DNAH10: variants seen among roughly 807,000 people sequenced by gnomAD.
The protein encoded by DNAH10 is axonemal beta dynein heavy chain 10.
A neutral mutation model predicts 506.6 loss-of-function variants in DNAH10; 348 were observed. The observed-to-expected ratio is 0.69, with a 90% CI of 0.63 to 0.75. The LOEUF is 0.75. Among genes scored for constraint, DNAH10 ranks in the 30% least tolerant of loss-of-function variants. The pLI, the probability that DNAH10 is intolerant of heterozygous loss-of-function variation, is 0.00. For synonymous variants in DNAH10, 2,059 were observed against 2,198.6 expected, an observed-to-expected ratio of 0.94 and a Z score of 1.78; for missense variants, 5,179 against 5,787.1, an observed-to-expected ratio of 0.89 and a Z score of 3.41.
chr12:123,896,142 CACACACAG>C (rs1250488486), intron 54 of DNAH10, among the ~76,000 whole-genome samples: 41 of 113,702 alleles, frequency 3.6e-4, no homozygotes, highest in Middle Eastern at 3.9e-3. Flanking sequence ...CACACACACA[CACACACAG>C]AGAGAGAGAG....
chr12:123,918,659 C>T lies in DNAH10; in HGVS notation c.11233-17C>T. The stretch of plus-strand genomic sequence containing the variant: ...CTCAGTCTTCCTGTTTCCAGGGTCA[C>T]CTGTGCTTTTCTTCAGGTCTCAGAG... On this transcript the variant is annotated splice_polypyrimidine_tract_variant and intron_variant, in intron 64 of 78. Transcript: ENST00000673944. The T allele has an allele frequency of 1.3e-6, 2 of 1,538,436 alleles. No individual in the cohort carries two copies. The highest frequency in any genetic ancestry group is 2.5e-5 in the South Asian group (2 of 78,728).
At chr12:123,924,257 C>T in intron 66 of DNAH10, 21 bp from the exon 67 acceptor site, 2 of 1,589,368 alleles carry the variant, frequency 1.3e-6, no homozygotes, top group Non-Finnish European at 1.7e-6. Context: ...TGGCTGCTTG[C>T]TTCTCTTCTG....
At chr12:123,779,053 G>A (rs576872811) in intron 5 of DNAH10, among the ~76,000 whole-genome samples, 15 of 152,048 alleles carry the variant, frequency 9.9e-5, no homozygotes, top group African/African-American at 2.7e-4. Context: ...AGAGGCACCC[G>A]CCACCACACC....
chr12:123,785,093 T>G lies in DNAH10; in HGVS notation c.1231-653T>G, dbSNP rs1168252599. Among the ~76,000 whole-genome samples, 1 of 152,242 alleles carries G rather than the reference T, an allele frequency of 6.6e-6. No homozygotes were observed. The highest frequency in any genetic ancestry group is 1.5e-5 in the Non-Finnish European group (1 of 68,042). ...GGATGTGTGTTTTTAATTATTCATG[T>G]ATTATGCATAGGAGTGGAATAGCTG... On this transcript the variant is annotated intron_variant, in intron 8 of 78. Transcript: ENST00000673944. The surrounding 1 kb of genome is among the most constrained non-coding windows in gnomAD (Gnocchi z 4.1).
chr12:123,935,358 C>T lies in DNAH10; in HGVS notation c.13647C>T (p.Tyr4549=), dbSNP rs762758809. 2.4e-5 allele frequency: 39 copies of T among 1,609,274 alleles called. No homozygotes were observed. Among genetic ancestry groups the T allele is most frequent in the South Asian group, 3.3e-5 (3 of 90,966 alleles). The part of the protein sequence containing the change: ...KLQNTFRTPV[Y]TTSMRRNAMG... ...AGAATACTTTCCGGACCCCCGTCTA[C>T]ACCACCTCCATGAGAAGGAACGCCA... The change falls in exon 79 of 79, where the codon TAC becomes TAT. Residue 4549 remains tyrosine (Y), a synonymous_variant. Transcript: ENST00000673944.
chr12:123,765,560 TA>T (rs375471244), intron 1 of DNAH10, among the ~76,000 whole-genome samples: 1 of 70,404 alleles, frequency 1.4e-5, no homozygotes, highest in African/African-American at 9.2e-5. Context: ...CATCTATCTA[TA>T]CTTTATCTAT....
rs114579268 is a variant in DNAH10 at position 123,795,425 on chromosome 12, C to T, written c.1987-1231C>T. Among the ~76,000 whole-genome samples the T allele has an allele frequency of 8.0e-3, 1,213 of 152,208 alleles. 11 individuals are homozygous for T. Among genetic ancestry groups the T allele is most frequent in the African/African-American group, 0.023 (969 of 41,534 alleles). ...GGTGTGAGCAGGGCTGTGTTCCCTT[C>T]GGGAGTCTCTAGGGATGATTCAGTG... On this transcript the variant is annotated intron_variant, in intron 12 of 78. Coordinates refer to ENST00000673944, the MANE Select transcript of DNAH10 (RefSeq NM_001372106.1).
At position 123,799,229 on chromosome 12, in the gene DNAH10, C is replaced by T; in HGVS notation, c.2164-17C>T. On this transcript the variant is annotated splice_polypyrimidine_tract_variant and intron_variant, in intron 13 of 78. Coordinates refer to ENST00000673944, the MANE Select transcript of DNAH10 (RefSeq NM_001372106.1). ...ATTTTCAAGGACAAAATGACGGTTG[C>T]TTGAATTCTTTGATAGGTCAAACAA... is the stretch of plus-strand genomic sequence containing the variant. 3.1e-6 allele frequency: 5 copies of T among 1,591,156 alleles called. No individual in the cohort carries two copies. The highest frequency in any genetic ancestry group is 4.3e-6 in the Non-Finnish European group (5 of 1,165,788).
In DNAH10 at chr12:123,879,620, G is replaced by C. The variant is rs748874236; in HGVS notation, c.8467-14G>C. The C allele has an allele frequency of 6.2e-7, 1 of 1,613,854 alleles. No homozygotes were observed. The highest frequency in any genetic ancestry group is 1.1e-5 in the South Asian group (1 of 91,060). ...TTGTTGAGTTTGGGTCCTTAAGTGG[G>C]CTTCTGTTTCAAGGTACAACAGCAC... On this transcript the variant is annotated splice_polypyrimidine_tract_variant and intron_variant, in intron 49 of 78. Transcript: ENST00000673944.
At chr12:123,789,735 A>G (rs1958007214) in intron 10 of DNAH10, among the ~76,000 whole-genome samples, 192 bp from the exon 11 acceptor site, 1 of 152,138 alleles carries the variant, frequency 6.6e-6, no homozygotes, top group South Asian at 2.1e-4. Flanking sequence ...GTGGGGAGGA[A>G]CAGGCAGGTG....
Position 123,918,849 on chromosome 12 carries a change from G to C in DNAH10, c.11406G>C (p.Arg3802Ser). The part of the protein sequence containing the change: ...YSLIAFLEVF[R>S]LSLKKSLPDS... The stretch of plus-strand genomic sequence containing the variant: ...TGATTGCCTTCTTAGAGGTCTTCAG[G>C]CTGTCACTGAAGAAGTCGCTGCCTG... Residue 3802 changes from arginine to serine, a missense_variant, in exon 65 of 79, where the codon AGG (arginine) becomes AGC (serine). This residue lies in a region of DNAH10 where 4,844 missense variants were observed against 5,430.5 expected (regional missense o/e 0.89). Coordinates refer to ENST00000673944, the MANE Select transcript of DNAH10 (RefSeq NM_001372106.1). The C allele has an allele frequency of 1.2e-6, 2 of 1,613,880 alleles. No individual in the cohort carries two copies. Among genetic ancestry groups the C allele is most frequent in the Non-Finnish European group, 1.7e-6 (2 of 1,179,890 alleles).
chr12:123,781,668 G>A (rs1957656991), intron 6 of DNAH10, among the ~76,000 whole-genome samples: 2 of 152,152 alleles, frequency 1.3e-5, no homozygotes, highest in South Asian at 4.2e-4. Flanking sequence ...GTTTTACCAT[G>A]TTGGCCAGGC....
intron 11 of DNAH10, among the ~76,000 whole-genome samples, chr12:123,792,540 AC>A (rs1387767805): frequency 6.7e-6 from 1 of 149,218 alleles, no homozygotes; most frequent in African/African-American, 2.5e-5. Context: ...GCTGACTGCA[AC>A]CTCTGCCTCC....
intron 15 of DNAH10, among the ~76,000 whole-genome samples, chr12:123,800,696 G>T (rs79044987): frequency 6.7e-6 from 1 of 148,546 alleles, no homozygotes; most frequent in Non-Finnish European, 1.5e-5. Flanking sequence ...AAAAAAAAAA[G>T]AAGAAAAAAA....
intron 54 of DNAH10, among the ~76,000 whole-genome samples, chr12:123,896,146 C>CAG (rs1953223312): frequency 1.2e-4 from 12 of 102,526 alleles, no homozygotes; most frequent in African/African-American, 6.1e-4. Flanking sequence ...CACACACACA[C>CAG]ACAGAGAGAG....
intron 46 of DNAH10, 147 bp downstream of exon 46, chr12:123,873,857 C>A (rs948978465): frequency 1.8e-6 from 2 of 1,081,952 alleles, no homozygotes; most frequent in Admixed American, 3.5e-5. Context: ...GGGAGCCAGC[C>A]TAAGGCAGAA....
intron 18 of DNAH10, among the ~76,000 whole-genome samples, chr12:123,807,390 C>A (rs1345572693): frequency 1.3e-5 from 2 of 152,164 alleles, no homozygotes; most frequent in African/African-American, 4.8e-5. Context: ...AGAAACAAAG[C>A]AGCCTAGTGT....
At chr12:123,764,585 T>G (rs1956948642) in intron 1 of DNAH10, among the ~76,000 whole-genome samples, 1 of 152,168 alleles carries the variant, frequency 6.6e-6, no homozygotes, top group East Asian at 1.9e-4. Flanking sequence ...GGGGTGGCTG[T>G]TGTCTGCTGT....
At chr12:123,774,108 C>A in intron 4 of DNAH10, 41 bp from the exon 5 acceptor site, 2 of 1,314,978 alleles carry the variant, frequency 1.5e-6, no homozygotes, top group South Asian at 1.3e-5. Context: ...GTTGGCTGCT[C>A]TCTCCCACTG....
Sources: allele counts gnomAD v4.1 joint callset (sites outside exome capture counted in the v4.1 genomes callset), GRCh38; gene constraint gnomAD v4.1.1; regional missense constraint gnomAD v4.1.1; non-coding constraint Gnocchi (gnomAD v3.1); transcripts MANE v1.5; gene names NCBI Gene and HGNC (gene_info 2026-07-23, HGNC 2026-07-21).